The following SULF1 variants were observed in gnomAD, a reference collection of about 807,000 sequenced individuals.
The protein encoded by SULF1 is sulfatase 1, also known as extracellular sulfatase Sulf-1.
A neutral mutation model predicts 110.5 loss-of-function variants in SULF1; 46 were observed. That is an observed-to-expected ratio of 0.42 (90% confidence interval 0.33 to 0.53). The LOEUF is 0.53. Among genes scored for constraint, SULF1 ranks in the 20% least tolerant of loss-of-function variants. The probability of loss-of-function intolerance (pLI) is 0.12; values close to 1 mark genes in which losing one functional copy is unlikely to be tolerated. For synonymous variants in SULF1, 371 were observed against 387.1 expected (o/e 0.96, Z 0.49); for missense variants, 941 against 1,094.2 (o/e 0.86, Z 1.98).
Position 69,621,087 on chromosome 8 carries a change from A to G in SULF1, c.1430A>G (p.Lys477Arg). ...GGCAAGCTTCGAATTCACAAGTGTA[A>G]AGGACCCAGTGACCTGCTCACAGTC... ...TSGKLRIHKC[K>R]GPSDLLTVRQ... is the part of the protein sequence containing the mutation. The change falls in exon 14 of 23, where the codon AAA (lysine) becomes AGA (arginine). Residue 477 changes from lysine (K) to arginine (R), a missense_variant. Physicochemically the swap from Lys to Arg is conservative, Grantham distance 26. Transcript: ENST00000402687. 6.2e-7 allele frequency: 1 copy of G among 1,613,922 alleles called. No homozygotes were observed. Among genetic ancestry groups the G allele is most frequent in the Non-Finnish European group, 8.5e-7 (1 of 1,179,796 alleles).
intron 3 of SULF1, among the ~76,000 whole-genome samples, chr8:69,510,945 T>TACACACACACACAC (rs56386460): frequency 2.5e-4 from 35 of 141,228 alleles, no homozygotes; most frequent in Non-Finnish European, 4.1e-4. Flanking sequence ...ATATCATCAT[T>TACACACACACACAC]ACACACACAC....
Position 69,638,500 on chromosome 8 carries a change from A to G in SULF1, c.2285-2A>G. The G allele has an allele frequency of 6.2e-7, 1 of 1,610,612 alleles. No homozygotes were observed. Among genetic ancestry groups the G allele is most frequent in the Non-Finnish European group, 8.5e-7 (1 of 1,179,372 alleles). ...GTTGTGTTTTTCTTTTTTACCCAAC[A>G]GTGGGATCTTTCTGTGCTTGCACGA... is the stretch of plus-strand genomic sequence containing the variant. On this transcript the variant is annotated splice_acceptor_variant, in intron 19 of 22. Coordinates refer to ENST00000402687, the MANE Select transcript of SULF1 (RefSeq NM_001128205.2). LOFTEE classifies it high-confidence loss of function.
rs1020616901 is a variant in SULF1 at position 69,603,710 on chromosome 8, C to G, written c.1247+54C>G. 1.2e-5 allele frequency: 14 copies of G among 1,185,132 alleles called. No individual in the cohort carries two copies. In the African/African-American group the frequency reaches 1.8e-4, roughly 15 times the overall value. 73.4% of individuals were successfully genotyped at this position (1,185,132 alleles called of 1,614,324 possible). A position where few individuals can be genotyped will look rare whatever the true frequency, so the allele number is the denominator to read the frequency against. On this transcript the variant is annotated intron_variant, in intron 12 of 22. Coordinates refer to ENST00000402687, the MANE Select transcript of SULF1 (RefSeq NM_001128205.2). The stretch of plus-strand genomic sequence containing the variant: ...GGAACCAGTCCTAGTGGGCAGCTTT[C>G]CCTGCTGAGTATTTTTTTTCTCCTT...
chr8:69,614,010 C>G (rs1279897659), intron 13 of SULF1, among the ~76,000 whole-genome samples: 5 of 152,042 alleles, frequency 3.3e-5, no homozygotes, highest in Non-Finnish European at 7.4e-5. Flanking sequence ...ACCCAATACT[C>G]ATCTCCATTA....
intron 22 of SULF1, among the ~76,000 whole-genome samples, chr8:69,641,371 G>A (rs1303060884): frequency 6.6e-6 from 1 of 152,168 alleles, no homozygotes; most frequent in African/African-American, 2.4e-5. Context: ...AGCAGCAGCC[G>A]TAAGATTCTG....
chr8:69,515,853 A>C (rs2150599943), intron 3 of SULF1, among the ~76,000 whole-genome samples: 1 of 152,230 alleles, frequency 6.6e-6, no homozygotes, highest in East Asian at 1.9e-4. Context: ...GCAAGGGTGC[A>C]ATGCCACCAG....
In SULF1 at chr8:69,499,918, T is replaced by C. The variant is rs868447626; in HGVS notation, c.-228-1956T>C. On this transcript the variant is annotated intron_variant, in intron 2 of 22. Transcript: ENST00000402687. The stretch of plus-strand genomic sequence containing the variant: ...GTGCACACCACCACACCCAGCTAGT[T>C]TTTAAATTTTTTGGTTGAGATGAGG... Among the ~76,000 whole-genome samples the C allele has an allele frequency of 9.9e-5, 15 of 152,006 alleles. 1 individual carries two copies. The South Asian group carries it at 3.1e-3, about 32-fold the overall frequency.
intron 13 of SULF1, among the ~76,000 whole-genome samples, chr8:69,607,147 C>A (rs1808279184): frequency 6.6e-6 from 1 of 152,184 alleles, no homozygotes; most frequent in Non-Finnish European, 1.5e-5. Context: ...AATCAGAACC[C>A]CTAGGGGTGA....
chr8:69,573,208 CT>C (rs970205581), intron 5 of SULF1, among the ~76,000 whole-genome samples: 31 of 152,276 alleles, frequency 2.0e-4, no homozygotes, highest in African/African-American at 7.5e-4. Flanking sequence ...GTCTTGGTTC[CT>C]TTTGACGTGT....
intron 3 of SULF1, among the ~76,000 whole-genome samples, chr8:69,508,109 A>T (rs926460982): frequency 1.2e-4 from 17 of 147,782 alleles, no homozygotes; most frequent in Middle Eastern, 3.4e-3. Context: ...GATAATTATT[A>T]TTTTTTTTTT....
chr8:69,621,226 A>G lies in SULF1; in HGVS notation c.1569A>G (p.Gln523=), dbSNP rs1186646174. 9.3e-6 allele frequency: 15 copies of G among 1,613,538 alleles called. No homozygotes were observed. Among genetic ancestry groups the G allele is most frequent in the Non-Finnish European group, 1.3e-5 (15 of 1,179,676 alleles). ...ASRSQRKSQR[Q]FLRNQGTPKY... The stretch of plus-strand genomic sequence containing the variant: ...GAAGCCAAAGAAAGAGTCAACGGCA[A>G]TTCTTGAGAAACCAGGGGACTCCAA... Residue 523 remains glutamine, a synonymous_variant, in exon 14 of 23, where the codon CAA becomes CAG. Transcript: ENST00000402687.
rs765285613 is a variant in SULF1, at chr8:69,502,690, C to CTTTTTT, written c.-134+732_-134+737dup. ...TTTTCTTTTCTTTTTCTTTTTTTTTCTTTTTTTTTTTTTTTGAGAGGAAGT... is the reference window on the plus strand; with the variant it reads ...TTTTCTTTTCTTTTTCTTTTTTTTTCTTTTTTTTTTTTTTTTTTTTTGAGAGGAAGT... On this transcript the variant is annotated intron_variant, in intron 3 of 22. Transcript: ENST00000402687. Among the ~76,000 whole-genome samples, 8 of 125,910 alleles carry CTTTTTT rather than the reference C, an allele frequency of 6.4e-5. 1 individual carries two copies. The highest frequency in any genetic ancestry group is 6.6e-5 in the Non-Finnish European group (4 of 60,392). 82.6% of individuals were successfully genotyped at this position (125,910 alleles called of 152,430 possible).
chr8:69,522,965 G>A (rs999746074), intron 3 of SULF1, among the ~76,000 whole-genome samples: 3 of 152,212 alleles, frequency 2.0e-5, no homozygotes, highest in East Asian at 3.9e-4. Flanking sequence ...GCTGCAAATG[G>A]AGCAGAGAGA....
At chr8:69,592,286 A>G (rs1806962958) in intron 8 of SULF1, among the ~76,000 whole-genome samples, 1 of 152,200 alleles carries the variant, frequency 6.6e-6, no homozygotes, top group Admixed American at 6.5e-5. Flanking sequence ...AATGCTGCAG[A>G]GGGAAACTGT....
chr8:69,657,312 C>T (rs1812802260), intron 22 of SULF1, among the ~76,000 whole-genome samples: 1 of 152,180 alleles, frequency 6.6e-6, no homozygotes, highest in Admixed American at 6.5e-5. Context: ...TTTCCAATGG[C>T]TGTTTCTCCC....
chr8:69,611,158 A>T (rs535446406), intron 13 of SULF1, among the ~76,000 whole-genome samples: 1 of 152,236 alleles, frequency 6.6e-6, no homozygotes, highest in Non-Finnish European at 1.5e-5. Context: ...AATGGGCATC[A>T]TATAGTTCTT....
intron 8 of SULF1, among the ~76,000 whole-genome samples, chr8:69,600,275 A>G (rs1807692264): frequency 6.6e-6 from 1 of 152,134 alleles, no homozygotes. Flanking sequence ...CCGAGACTTT[A>G]TCTGTAGATT....
rs1233578915 is a variant in SULF1, at chr8:69,660,452, A to C, written c.*1917A>C. 6 of 152,604 alleles carry C rather than the reference A, an allele frequency of 3.9e-5. No individual in the cohort carries two copies. In the East Asian group the frequency reaches 1.2e-3, roughly 29 times the overall value. 9.5% of individuals were successfully genotyped at this position (152,604 alleles called of 1,614,324 possible). A position where few individuals can be genotyped will look rare whatever the true frequency, so the allele number is the denominator to read the frequency against. On this transcript the variant is annotated 3_prime_UTR_variant, in exon 23 of 23. Coordinates refer to ENST00000402687, the MANE Select transcript of SULF1 (RefSeq NM_001128205.2). ...ATCCTTGTTGTGTATTAGGTTTTTA[A>C]ATACCAGCTAAAGGATTACCTCACT...
At chr8:69,586,579 GTT>G in intron 7 of SULF1, 71 bp downstream of exon 7, 1 of 1,489,130 alleles carries the variant, frequency 6.7e-7, no homozygotes, top group Non-Finnish European at 9.1e-7. Flanking sequence ...TTTTCAGTGA[GTT>G]AAACTATCCA....
Sources: gnomAD v4.1 joint callset for allele counts (sites outside exome capture counted in the v4.1 genomes callset) on GRCh38, gnomAD v4.1.1 for gene constraint, MANE v1.5 for transcripts, NCBI Gene and HGNC (gene_info 2026-07-23, HGNC 2026-07-21) for gene names.